The following MAPK6 variants were observed in gnomAD, a reference collection of about 807,000 sequenced individuals.
MAPK6 encodes the protein mitogen-activated protein kinase 6.
A neutral mutation model predicts 59.3 loss-of-function variants in MAPK6; 19 were observed. The observed-to-expected ratio is 0.32, with a 90% CI of 0.22 to 0.47. The LOEUF is 0.47. Ranked by LOEUF, MAPK6 falls within the 20% of genes least tolerant of loss-of-function variation. The pLI is 1.00. For missense variants in MAPK6, 724 were observed against 847.9 expected, an observed-to-expected ratio of 0.85 and a Z score of 1.81; for synonymous variants, 316 against 290.3, an observed-to-expected ratio of 1.09 and a Z score of -0.90.
chr15:52,049,132 G>C (rs890462276), intron 2 of MAPK6, among the ~76,000 whole-genome samples: 2 of 152,152 alleles, frequency 1.3e-5, no homozygotes, highest in African/African-American at 4.8e-5. Context: ...GTAAGGTTTT[G>C]TAAGGTGCTT....
intron 1 of MAPK6, among the ~76,000 whole-genome samples, chr15:52,031,040 C>T (rs1016026164): frequency 1.1e-4 from 17 of 151,934 alleles, no homozygotes; most frequent in African/African-American, 1.7e-4. Context: ...AGGATCCACC[C>T]GCCTTGGCCT....
chr15:52,016,070 G>GCGCGCGCGCACACACACACACACACA, upstream of MAPK6, among the ~76,000 whole-genome samples: 12 of 55,392 alleles, frequency 2.2e-4, no homozygotes, highest in Non-Finnish European at 3.7e-4. Context: ...GCGCGCGCGC[G>GCGCGCGCGCACACACACACACACACA]CACACACACA....
Position 52,064,727 on chromosome 15 carries a change from G to A in MAPK6, c.1893G>A (p.Lys631=). 6.2e-7 allele frequency: 1 copy of A among 1,611,914 alleles called. No individual in the cohort carries two copies. Among genetic ancestry groups the A allele is most frequent in the Non-Finnish European group, 8.5e-7 (1 of 1,179,774 alleles). ...KENTYTSYLD[K]FFSRKEDTEM... ...ACACTTACACTAGTTACTTGGACAA[G>A]TTCTTTAGCAGGAAAGAAGATACTG... The change falls in exon 6 of 6, where the codon AAG becomes AAA. Residue 631 remains lysine (K), a synonymous_variant. Transcript: ENST00000261845.
intron 2 of MAPK6, among the ~76,000 whole-genome samples, chr15:52,049,662 C>T (rs536104721): frequency 3.1e-3 from 452 of 143,534 alleles, no homozygotes; most frequent in South Asian, 9.1e-3. Context: ...TTGCCCAGGG[C>T]GGAGTGCAGT....
At chr15:52,051,546 A>T (rs2031780966) in intron 3 of MAPK6, among the ~76,000 whole-genome samples, 1 of 152,204 alleles carries the variant, frequency 6.6e-6, no homozygotes, top group Non-Finnish European at 1.5e-5. Context: ...ATATAACAGC[A>T]AGCCAGCTCT....
chr15:52,008,576 C>A (rs776627516), intron 3 of MAPK6, among the ~76,000 whole-genome samples: 1 of 152,236 alleles, frequency 6.6e-6, no homozygotes, highest in Non-Finnish European at 1.5e-5. Flanking sequence ...TCTATCTCCT[C>A]TGCTCACCTG....
At chr15:52,023,713 G>C (rs2030637801) in intron 1 of MAPK6, among the ~76,000 whole-genome samples, 1 of 152,250 alleles carries the variant, frequency 6.6e-6, no homozygotes, top group South Asian at 2.1e-4. Flanking sequence ...CTAGGTTCAA[G>C]CGATTCTTCA....
chr15:51,991,134 GAA>G (rs923247219), intron 2 of MAPK6, among the ~76,000 whole-genome samples: 1 of 128,820 alleles, frequency 7.8e-6, no homozygotes, highest in African/African-American at 3.1e-5. Context: ...ATCTCAAAAA[GAA>G]ATATATATAT....
upstream of MAPK6, among the ~76,000 whole-genome samples, chr15:52,016,070 G>GCACACACACACA (rs1175427042): frequency 0.022 from 1,235 of 55,380 alleles, 35 homozygotes; most frequent in Admixed American, 0.031. Flanking sequence ...GCGCGCGCGC[G>GCACACACACACA]CACACACACA....
At position 51,988,765 on chromosome 15, in the gene MAPK6, C is replaced by CACAG. The variant is rs1353200568; in HGVS notation, c.-770+5451_-770+5452insCAGA. Among the ~76,000 whole-genome samples the CACAG allele has an allele frequency of 7.9e-5, 12 of 151,668 alleles. 1 individual carries two copies. The highest frequency in any genetic ancestry group is 7.2e-4 in the Admixed American group (11 of 15,190). On this transcript the variant is annotated intron_variant, in intron 2 of 7. Coordinates refer to the MAPK6 transcript ENST00000691380. ...ATACACACACACACACACACACACA[C>CACAG]AAAACCAGAAATGTATTCCTTTGCA...
chr15:52,017,391 A>G (rs894854089), upstream of MAPK6: 1 of 152,216 alleles, frequency 6.6e-6, no homozygotes, highest in Non-Finnish European at 1.5e-5. Flanking sequence ...GAGATTATAA[A>G]GAACCTTCTT....
At chr15:51,972,706 C>T (rs1230635080) in intron 1 of MAPK6, among the ~76,000 whole-genome samples, 2 of 150,194 alleles carry the variant, frequency 1.3e-5, no homozygotes, top group Non-Finnish European at 3.0e-5. Context: ...CCTGTCGTCC[C>T]AGCTACTAGG....
At chr15:52,016,916 C>A (rs978215204), upstream of MAPK6, among the ~76,000 whole-genome samples, 4 of 152,120 alleles carry the variant, frequency 2.6e-5, no homozygotes, top group African/African-American at 9.7e-5. Flanking sequence ...TGCTGGCGCG[C>A]ACCTGTAGTC....
intron 5 of MAPK6, 64 bp downstream of exon 5, chr15:52,061,564 G>T: frequency 1.6e-6 from 2 of 1,232,174 alleles, no homozygotes; most frequent in Admixed American, 4.2e-5. Flanking sequence ...TATGTAGTGA[G>T]TTTTTTTAAA....
intron 2 of MAPK6, among the ~76,000 whole-genome samples, chr15:51,985,930 CCTG>C (rs2057189797): frequency 6.6e-6 from 1 of 151,554 alleles, no homozygotes; most frequent in Admixed American, 6.6e-5. Context: ...TGCACTCCAG[CCTG>C]GGCGACAGAG....
chr15:51,985,994 T>C (rs2057190160), intron 2 of MAPK6, among the ~76,000 whole-genome samples: 1 of 151,930 alleles, frequency 6.6e-6, no homozygotes, highest in South Asian at 2.1e-4. Context: ...AAAAATTGTA[T>C]GTCACTGTAT....
At chr15:51,980,767 T>C (rs1297174285) in intron 1 of MAPK6, among the ~76,000 whole-genome samples, 2 of 151,024 alleles carry the variant, frequency 1.3e-5, no homozygotes, top group Non-Finnish European at 3.0e-5. Flanking sequence ...AATTTTATAT[T>C]TTTTAGTAGA....
chr15:52,028,816 C>G (rs947847092), intron 1 of MAPK6, among the ~76,000 whole-genome samples: 6 of 152,216 alleles, frequency 3.9e-5, no homozygotes, highest in African/African-American at 1.4e-4. Flanking sequence ...TGTGCTCTCT[C>G]CACTTCCCTT....
chr15:52,001,628 C>A (rs1455734783), intron 2 of MAPK6, among the ~76,000 whole-genome samples: 2 of 151,608 alleles, frequency 1.3e-5, no homozygotes, highest in Admixed American at 6.6e-5. Flanking sequence ...CCTGCCTCAG[C>A]CTCCTGAGTA....
Sources: allele counts gnomAD v4.1 joint callset (sites outside exome capture counted in the v4.1 genomes callset), GRCh38; gene constraint gnomAD v4.1.1; transcripts MANE v1.5; gene names NCBI Gene and HGNC (gene_info 2026-07-23, HGNC 2026-07-21).